The following PCDHGA7 variants were observed in gnomAD, a reference collection of about 807,000 sequenced individuals.
PCDHGA7 encodes protocadherin gamma subfamily A, 7.
Under a neutral mutation model 58.3 loss-of-function variants are expected in PCDHGA7, and 44 were observed. That is an observed-to-expected ratio of 0.75 (90% CI 0.59 to 0.97). The LOEUF is 0.97. Among genes scored for constraint, PCDHGA7 ranks in the 50% least tolerant of loss-of-function variants. The pLI, the probability that PCDHGA7 is intolerant of heterozygous loss-of-function variation, is 0.00. For synonymous variants in PCDHGA7, 516 were observed against 504.2 expected (o/e 1.02, Z -0.31); for missense variants, 1,266 against 1,188.7 (o/e 1.06, Z -0.96).
At chr5:141,438,633 TATACAC>T (rs1275936248) in intron 1 of PCDHGA7, among the ~76,000 whole-genome samples, 1,035 of 33,718 alleles carry the variant, frequency 0.031, 6 homozygotes, top group African/African-American at 0.063. Context: ...TATATATATA[TATACAC>T]ACACACACAC....
rs764482722 is a variant in PCDHGA7 at position 141,432,066 on chromosome 5, C to T, written c.2424+46743C>T. 62 of 1,614,062 alleles carry T rather than the reference C, an allele frequency of 3.8e-5. No individual in the cohort carries two copies. The highest frequency in any genetic ancestry group is 5.2e-5 in the Non-Finnish European group (61 of 1,180,046). On this transcript the variant is annotated intron_variant, in intron 1 of 3. Coordinates refer to ENST00000518325, the MANE Select transcript of PCDHGA7 (RefSeq NM_018920.4). The surrounding 1 kb of genome is among the most constrained non-coding windows in gnomAD (Gnocchi z 6.0). ...GGAACCCCGCCCCTATCCACGGAAA[C>T]TCATATCTCGCTGAACGTGGCAGAC...
At chr5:141,389,433 G>C in intron 1 of PCDHGA7, 1 of 1,610,628 alleles carries the variant, frequency 6.2e-7, no homozygotes, top group Non-Finnish European at 8.5e-7. Context: ...CGCGCAGCGC[G>C]CCTTCGACCA....
Position 141,384,489 on chromosome 5 carries a change from A to G in PCDHGA7, c.1590A>G (p.Leu530=). 6.2e-7 allele frequency: 1 copy of G among 1,614,168 alleles called. No homozygotes were observed. Residue 530 remains leucine (L), a synonymous_variant, in exon 1 of 4, where the codon CTA becomes CTG. Transcript: ENST00000518325. The part of the protein sequence containing the change: ...FDYEQLRELQ[L]RVTAHDSGDP... ...ATGAGCAGTTGAGAGAACTACAACT[A>G]AGAGTGACTGCACATGACAGCGGGG...
At chr5:141,495,697 A>G (rs1010733016) in intron 2 of PCDHGA7, among the ~76,000 whole-genome samples, 1 of 152,086 alleles carries the variant, frequency 6.6e-6, no homozygotes, top group Non-Finnish European at 1.5e-5. Flanking sequence ...AGTGCTCAAT[A>G]AATGTGGAGT....
rs376764580 is a variant in PCDHGA7 at position 141,400,568 on chromosome 5, T to C, written c.2424+15245T>C. On this transcript the variant is annotated intron_variant, in intron 1 of 3. Coordinates refer to ENST00000518325, the MANE Select transcript of PCDHGA7 (RefSeq NM_018920.4). ...TATTCTTTTTCATTACCCACCCAATTTTCTGTATTTACATGAAACTATCGT... is the reference window on the plus strand; with the variant it reads ...TATTCTTTTTCATTACCCACCCAATCTTCTGTATTTACATGAAACTATCGT... 46 of 1,612,870 alleles carry C rather than the reference T, an allele frequency of 2.9e-5. No homozygotes were observed. In the African/African-American group the frequency reaches 5.7e-4, roughly 20 times the overall value.
rs764534858 is a variant in PCDHGA7, at chr5:141,383,938, G to T, written c.1039G>T (p.Val347Leu). Residue 347 changes from valine to leucine, a missense_variant, in exon 1 of 4, where the codon GTG (valine) becomes TTG (leucine). Val to Leu is a conservative substitution (Grantham distance 32). Transcript: ENST00000518325. ...VLDVNDNAPE[V>L]TMTSLSSSIP... is the part of the protein sequence containing the mutation. ...AGATGTAAATGATAATGCTCCAGAA[G>T]TGACTATGACGTCTTTAAGTAGCTC... 5.0e-6 allele frequency: 8 copies of T among 1,613,866 alleles called. No individual in the cohort carries two copies. Among genetic ancestry groups the T allele is most frequent in the Non-Finnish European group, 5.9e-6 (7 of 1,179,826 alleles).
rs759439765 is a variant in PCDHGA7 at position 141,478,199 on chromosome 5, C to A, written c.2425-16608C>A. ...GAAAAAAAATCTCACCTTTTATCTA[C>A]TTCTTTCTCTAATCCTGGTTTCTGT... On this transcript the variant is annotated intron_variant, in intron 1 of 3. Coordinates refer to ENST00000518325, the MANE Select transcript of PCDHGA7 (RefSeq NM_018920.4). The A allele has an allele frequency of 3.8e-5, 62 of 1,613,938 alleles. No homozygotes were observed. Among genetic ancestry groups the A allele is most frequent in the Non-Finnish European group, 5.0e-5 (59 of 1,180,046 alleles).
chr5:141,396,626 A>G (rs1273835228), intron 1 of PCDHGA7: 1 of 152,182 alleles, frequency 6.6e-6, no homozygotes, highest in African/African-American at 2.4e-5. Flanking sequence ...TCTCAAAAAA[A>G]AAAAAAACTA....
chr5:141,418,254 A>T (rs1217236221), intron 1 of PCDHGA7: 2 of 1,613,904 alleles, frequency 1.2e-6, no homozygotes, highest in African/African-American at 2.7e-5. Flanking sequence ...CACGCCCCTC[A>T]ATTCCGGAAA....
chr5:141,451,256 A>T (rs376288655), intron 1 of PCDHGA7, among the ~76,000 whole-genome samples: 1 of 152,212 alleles, frequency 6.6e-6, no homozygotes, highest in African/African-American at 2.4e-5. Context: ...GTGGATCAGG[A>T]CTGGGTATAG....
At chr5:141,406,331 C>A (rs577134835) in intron 1 of PCDHGA7, among the ~76,000 whole-genome samples, 22 of 152,002 alleles carry the variant, frequency 1.4e-4, no homozygotes, top group Non-Finnish European at 2.8e-4. Context: ...CTTACTCCTA[C>A]GATCATTTAT....
rs142590218 is a variant in PCDHGA7, at chr5:141,489,982, C to T, written c.2425-4825C>T. On this transcript the variant is annotated intron_variant, in intron 1 of 3. Coordinates refer to ENST00000518325, the MANE Select transcript of PCDHGA7 (RefSeq NM_018920.4). This position sits in a 1 kb window ranked among gnomAD's most constrained non-coding sequence, Gnocchi z 4.5. ...TCCAACCTTCCAATCCTCAGTTCTA[C>T]GTGTGGGAATCCCAGAGAATGCACC... The T allele has an allele frequency of 2.9e-5, 47 of 1,614,010 alleles. No individual in the cohort carries two copies. The highest frequency in any genetic ancestry group is 3.7e-5 in the Non-Finnish European group (44 of 1,179,964).
intron 1 of PCDHGA7, chr5:141,385,740 T>A: frequency 4.9e-6 from 1 of 202,756 alleles, no homozygotes; most frequent in Non-Finnish European, 8.9e-6. Context: ...ATTTCTTCCA[T>A]GTGAAGATTT....
chr5:141,511,320 A>G lies in PCDHGA7; in HGVS notation c.*147A>G. ...CATGCTCCCCTTGGGAAACAGAAAC[A>G]AGTGCCCAGTCAGCACCTACCCCTT... On this transcript the variant is annotated 3_prime_UTR_variant, in exon 4 of 4. Transcript: ENST00000518325. 6.8e-7 allele frequency: 1 copy of G among 1,475,678 alleles called. No homozygotes were observed. The highest frequency in any genetic ancestry group is 1.4e-5 in the South Asian group (1 of 72,746). 91.4% of individuals were successfully genotyped at this position (1,475,678 alleles called of 1,614,324 possible).
Position 141,477,447 on chromosome 5 carries a change from G to T in PCDHGA7, c.2425-17360G>T, listed in dbSNP as rs779097830. The T allele has an allele frequency of 6.2e-7, 1 of 1,614,098 alleles. No homozygotes were observed. Among genetic ancestry groups the T allele is most frequent in the Non-Finnish European group, 8.5e-7 (1 of 1,180,016 alleles). ...TCCCTCTCAGCCCTTACAATAGTGCGTGTTCAAGTGTCCGACATCAATGAC... is the reference window on the plus strand; with the variant it reads ...TCCCTCTCAGCCCTTACAATAGTGCTTGTTCAAGTGTCCGACATCAATGAC... On this transcript the variant is annotated intron_variant, in intron 1 of 3. Coordinates refer to ENST00000518325, the MANE Select transcript of PCDHGA7 (RefSeq NM_018920.4). This position sits in a 1 kb window ranked among gnomAD's most constrained non-coding sequence, Gnocchi z 4.9.
intron 1 of PCDHGA7, chr5:141,395,872 T>G (rs950924655): frequency 2.0e-5 from 3 of 152,138 alleles, no homozygotes; most frequent in Non-Finnish European, 4.4e-5. Context: ...ATTAAGTATG[T>G]GAGTCAGTGG....
At chr5:141,425,524 G>C (rs2096881323) in intron 1 of PCDHGA7, among the ~76,000 whole-genome samples, 1 of 152,184 alleles carries the variant, frequency 6.6e-6, no homozygotes, top group Non-Finnish European at 1.5e-5. Context: ...GATGAAACAT[G>C]AAACAATAAT....
At chr5:141,449,500 A>G (rs1034917703) in intron 1 of PCDHGA7, among the ~76,000 whole-genome samples, 6 of 151,300 alleles carry the variant, frequency 4.0e-5, no homozygotes, top group African/African-American at 1.5e-4. Flanking sequence ...GAGGCATGAG[A>G]AATGCTTGAA....
Position 141,432,208 on chromosome 5 carries a change from G to A in PCDHGA7, c.2424+46885G>A, listed in dbSNP as rs150518735. The A allele has an allele frequency of 3.4e-5, 55 of 1,614,196 alleles. No individual in the cohort carries two copies. In the Middle Eastern group the frequency reaches 8.2e-4, roughly 24 times the overall value. Reference sequence around the variant, plus strand: ...CCGCCCACGACCCCGACTGTGAAGAGAACGCCCAGATCACTTATTCCCTGG... The same window carrying A: ...CCGCCCACGACCCCGACTGTGAAGAAAACGCCCAGATCACTTATTCCCTGG... On this transcript the variant is annotated intron_variant, in intron 1 of 3. Transcript: ENST00000518325. The surrounding 1 kb of genome is among the most constrained non-coding windows in gnomAD (Gnocchi z 6.0).
Sources: allele counts gnomAD v4.1 joint callset (sites outside exome capture counted in the v4.1 genomes callset), GRCh38; gene constraint gnomAD v4.1.1; non-coding constraint Gnocchi (gnomAD v3.1); transcripts MANE v1.5; gene names NCBI Gene and HGNC (gene_info 2026-07-23, HGNC 2026-07-21).